Variants in GRIK2 observed in about 807,000 individuals in gnomAD.
GRIK2 encodes glutamate receptor ionotropic, kainate 2.
In GRIK2, 32 loss-of-function variants were observed where a neutral mutation model predicts 100.3. That is an observed-to-expected ratio of 0.32 (90% CI 0.24 to 0.43). The LOEUF is 0.43. Ranked by LOEUF, GRIK2 falls within the 20% of genes least tolerant of loss-of-function variation. GRIK2 has a pLI of 1.00. For missense variants in GRIK2, 843 were observed against 1,114.9 expected, an observed-to-expected ratio of 0.76 and a Z score of 3.47; for synonymous variants, 417 against 389.4, an observed-to-expected ratio of 1.07 and a Z score of -0.83.
intron 3 of GRIK2, among the ~76,000 whole-genome samples, chr6:101,625,396 A>G (rs1434540133): frequency 1.3e-5 from 2 of 149,304 alleles, no homozygotes; most frequent in South Asian, 2.1e-4. Context: ...ATAAATAAAT[A>G]AATAAATAAA....
intron 14 of GRIK2, among the ~76,000 whole-genome samples, chr6:101,987,688 A>G (rs1165053915): frequency 6.6e-6 from 1 of 150,624 alleles, no homozygotes; most frequent in Non-Finnish European, 1.5e-5. Context: ...TAATCAATTT[A>G]TGGAAATTTA....
At chr6:101,626,280 C>A in intron 3 of GRIK2, 100 bp from the exon 4 acceptor site, 2 of 1,082,624 alleles carry the variant, frequency 1.8e-6, no homozygotes, top group Non-Finnish European at 2.7e-6. Context: ...ACAAATCTTT[C>A]TTGAGAATGA....
At chr6:101,773,569 A>G (rs1434938492) in intron 7 of GRIK2, among the ~76,000 whole-genome samples, 2 of 152,044 alleles carry the variant, frequency 1.3e-5, no homozygotes, top group Non-Finnish European at 2.9e-5. Flanking sequence ...ATGAGTGTAG[A>G]AATCAATTCT....
chr6:101,878,658 G>A (rs1348851794), intron 11 of GRIK2, among the ~76,000 whole-genome samples: 6 of 151,778 alleles, frequency 4.0e-5, no homozygotes, highest in East Asian at 1.9e-4. Context: ...GACTTATCAC[G>A]CTTTCTCTTA....
intron 10 of GRIK2, among the ~76,000 whole-genome samples, chr6:101,821,372 C>G (rs1781938715): frequency 6.6e-6 from 1 of 152,050 alleles, no homozygotes; most frequent in Admixed American, 6.6e-5. Flanking sequence ...CTAAAACGTA[C>G]CCCATACCAT....
At chr6:102,010,113 G>A (rs1048488783) in intron 14 of GRIK2, among the ~76,000 whole-genome samples, 26 of 152,060 alleles carry the variant, frequency 1.7e-4, no homozygotes, top group African/African-American at 5.8e-4. Context: ...ACACACATGC[G>A]CAATCTCTCC....
intron 14 of GRIK2, among the ~76,000 whole-genome samples, chr6:101,958,731 T>C (rs1792101622): frequency 6.6e-6 from 1 of 152,096 alleles, no homozygotes; most frequent in South Asian, 2.1e-4. Flanking sequence ...GTTTTTATCA[T>C]TAATGGGTGC....
intron 7 of GRIK2, among the ~76,000 whole-genome samples, chr6:101,762,414 C>A (rs959496725): frequency 6.6e-6 from 1 of 151,938 alleles, no homozygotes; most frequent in African/African-American, 2.4e-5. Context: ...AACAATCCTG[C>A]CTGAGCCTCC....
At chr6:101,610,755 G>C (rs951799230) in intron 2 of GRIK2, among the ~76,000 whole-genome samples, 1 of 151,684 alleles carries the variant, frequency 6.6e-6, no homozygotes, top group Non-Finnish European at 1.5e-5. Flanking sequence ...GTCACTTTTC[G>C]CCTTTTCTTT....
intron 12 of GRIK2, among the ~76,000 whole-genome samples, chr6:101,902,312 A>G (rs1787901785): frequency 6.6e-6 from 1 of 151,994 alleles, no homozygotes; most frequent in South Asian, 2.1e-4. Context: ...AGTTAATAGC[A>G]GGTAGTTCGG....
rs757915018 is a variant in GRIK2, at chr6:101,889,756, T to C, written c.1641T>C (p.Gly547=). 1 of 1,613,208 alleles carries C rather than the reference T, an allele frequency of 6.2e-7. No homozygotes were observed. ...GISILYRKPN[G]TNPGVFSFLN... The stretch of plus-strand genomic sequence containing the variant: ...GTATTTTGTACCGCAAGCCCAATGG[T>C]ACAAACCCAGGCGTCTTCTCCTTCC... The change falls in exon 12 of 17, where the codon GGT becomes GGC. Residue 547 remains glycine (G), a synonymous_variant. Coordinates refer to ENST00000369134, the MANE Select transcript of GRIK2 (RefSeq NM_021956.5).
chr6:101,980,079 C>T (rs896874204), intron 14 of GRIK2, among the ~76,000 whole-genome samples: 1 of 151,744 alleles, frequency 6.6e-6, no homozygotes, highest in Non-Finnish European at 1.5e-5. Context: ...TGCTGGTGAG[C>T]GGGTGAGGAA....
intron 7 of GRIK2, among the ~76,000 whole-genome samples, chr6:101,797,882 G>T (rs1000383320): frequency 6.7e-6 from 1 of 149,166 alleles, no homozygotes; most frequent in Non-Finnish European, 1.5e-5. Context: ...ATGCAGTTCT[G>T]TATAATCTAA....
rs186419692 is a variant in GRIK2 at position 101,657,838 on chromosome 6, G to C, written c.542-18785G>C. Among the ~76,000 whole-genome samples, 325 of 152,050 alleles carry C rather than the reference G, an allele frequency of 2.1e-3. 1 individual carries two copies. The highest frequency in any genetic ancestry group is 4.0e-3 in the Non-Finnish European group (270 of 67,972). ...TCTATTTCCAGGGAAATAAATAATA[G>C]AGAATGCATATAGATACATGGTAGG... On this transcript the variant is annotated intron_variant, in intron 4 of 16. Coordinates refer to ENST00000369134, the MANE Select transcript of GRIK2 (RefSeq NM_021956.5).
At chr6:101,631,125 G>A (rs2786249) in intron 4 of GRIK2, among the ~76,000 whole-genome samples, 2 of 151,904 alleles carry the variant, frequency 1.3e-5, no homozygotes, top group African/African-American at 2.4e-5. Flanking sequence ...TTTTAAACAC[G>A]CTGAAAGTCT....
At chr6:101,633,521 C>T (rs990380479) in intron 4 of GRIK2, among the ~76,000 whole-genome samples, 1 of 152,094 alleles carries the variant, frequency 6.6e-6, no homozygotes, top group African/African-American at 2.4e-5. Flanking sequence ...GAATTTAAAA[C>T]TTTCAACAAT....
In GRIK2 at chr6:101,510,154, C is replaced by G. The variant is rs147527708; in HGVS notation, c.115+110762C>G. ...GACATTAAAGTGCTTATTTCTTAAG[C>G]AAAGGATTGGAATGTTTTGGTTCTA... is the stretch of plus-strand genomic sequence containing the variant. On this transcript the variant is annotated intron_variant, in intron 2 of 16. Coordinates refer to ENST00000369134, the MANE Select transcript of GRIK2 (RefSeq NM_021956.5). Among the ~76,000 whole-genome samples the G allele has an allele frequency of 3.5e-4, 54 of 152,144 alleles. 1 individual carries two copies. The highest frequency in any genetic ancestry group is 3.4e-3 in the Middle Eastern group (1 of 294).
chr6:101,913,781 T>A (rs1582523183), intron 12 of GRIK2, among the ~76,000 whole-genome samples: 2 of 151,668 alleles, frequency 1.3e-5, no homozygotes, highest in East Asian at 3.9e-4. Flanking sequence ...GAATGCTATG[T>A]AAGATGTTAT....
chr6:101,624,374 T>C (rs1194268302), intron 3 of GRIK2, among the ~76,000 whole-genome samples: 2 of 152,212 alleles, frequency 1.3e-5, no homozygotes, highest in Admixed American at 1.3e-4. Flanking sequence ...CCACCATTTA[T>C]ACTAATTTAG....
Sources: gnomAD v4.1 joint callset for allele counts (sites outside exome capture counted in the v4.1 genomes callset) on GRCh38, gnomAD v4.1.1 for gene constraint, MANE v1.5 for transcripts, NCBI Gene and HGNC (gene_info 2026-07-23, HGNC 2026-07-21) for gene names.